Variants in FKBP7 observed in about 807,000 individuals in gnomAD.
FKBP7 encodes peptidyl-prolyl cis-trans isomerase FKBP7.
In FKBP7, 24 loss-of-function variants were observed where a neutral mutation model predicts 24.3. The ratio of observed to expected loss-of-function variants is 0.99; its 90% CI spans 0.72 to 1.39. The LOEUF is 1.39. FKBP7 is among the 40% of genes most tolerant of loss of function. FKBP7 has a pLI of 0.00. For synonymous variants in FKBP7, 98 were observed against 92.8 expected, an observed-to-expected ratio of 1.06 and a Z score of -0.32; for missense variants, 257 against 269.5, an observed-to-expected ratio of 0.95 and a Z score of 0.33.
At position 178,470,145 on chromosome 2, in the gene FKBP7, C is replaced by T. The variant is rs531980297; in HGVS notation, c.374-360G>A. 3.3e-5 allele frequency among the ~76,000 whole-genome samples: 5 copies of T among 152,172 alleles called. No individual in the cohort carries two copies. In the South Asian group the frequency reaches 1.0e-3, roughly 32 times the overall value. On this transcript the variant is annotated intron_variant, in intron 2 of 3. Coordinates refer to ENST00000424785, the MANE Select transcript of FKBP7 (RefSeq NM_181342.3). The stretch of plus-strand genomic sequence containing the variant: ...CCCTCTATATCTGTGGGTTCTGCAT[C>T]TGTGGATTCAACCAGTCTCGGCTTG...
At chr2:178,473,034 G>A in intron 2 of FKBP7, 1 of 1,280,374 alleles carries the variant, frequency 7.8e-7, no homozygotes. Flanking sequence ...CATACCGCAT[G>A]TATTGTTATT....
rs746926301 is a variant in FKBP7 at position 178,478,292 on chromosome 2, T to G, written c.208A>C (p.Lys70Gln). The G allele has an allele frequency of 9.9e-6, 16 of 1,614,108 alleles. No homozygotes were observed. Among genetic ancestry groups the G allele is most frequent in the Middle Eastern group, 1.7e-4 (1 of 6,058 alleles). Residue 70 changes from lysine to glutamine, a missense_variant, in exon 1 of 4, where the codon AAA (lysine) becomes CAA (glutamine). Coordinates refer to ENST00000424785, the MANE Select transcript of FKBP7 (RefSeq NM_181342.3). ...AGCATTTCCTACCTGCAGTAGAATT[T>G]CGAGCCGTCTTTAGCCAGGTAGCCG... Reference protein sequence around the residue: ...YDGYLAKDGSKFYCSRTQNEG... With the variant: ...YDGYLAKDGSQFYCSRTQNEG...
At chr2:178,471,628 T>C (rs1684849464) in intron 2 of FKBP7, among the ~76,000 whole-genome samples, 1 of 152,224 alleles carries the variant, frequency 6.6e-6, no homozygotes, top group South Asian at 2.1e-4. Context: ...CATCAGTATA[T>C]TGCCAGTGTC....
chr2:178,466,993 T>C (rs987377696), intron 3 of FKBP7, among the ~76,000 whole-genome samples: 2 of 152,236 alleles, frequency 1.3e-5, no homozygotes, highest in African/African-American at 4.8e-5. Context: ...TAATGAAGGA[T>C]ACATCAACTG....
At position 178,464,278 on chromosome 2, in the gene FKBP7, A is replaced by C. The variant is rs901042449; in HGVS notation, c.*1492T>G. The C allele has an allele frequency of 1.3e-5, 2 of 152,238 alleles. No individual in the cohort carries two copies. The highest frequency in any genetic ancestry group is 2.9e-5 in the Non-Finnish European group (2 of 68,054). The allele number at this position is 152,238 out of a possible 1,614,324, so 9.4% of individuals were successfully genotyped here. The stretch of plus-strand genomic sequence containing the variant: ...TTTGGAACTCAATTATTTTGAACAG[A>C]GCTATTTACTGTCTGACCATACTTT... On this transcript the variant is annotated 3_prime_UTR_variant, in exon 4 of 4. Coordinates refer to ENST00000424785, the MANE Select transcript of FKBP7 (RefSeq NM_181342.3).
At chr2:178,475,019 T>C (rs1187151006) in intron 2 of FKBP7, among the ~76,000 whole-genome samples, 1 of 152,182 alleles carries the variant, frequency 6.6e-6, no homozygotes, top group Non-Finnish European at 1.5e-5. Context: ...TTAATAAGTA[T>C]AGCTCTACTT....
chr2:178,472,078 G>GTTT (rs1005052995), intron 2 of FKBP7, among the ~76,000 whole-genome samples: 7 of 135,434 alleles, frequency 5.2e-5, no homozygotes, highest in African/African-American at 1.4e-4. Flanking sequence ...TTTTCTTTTC[G>GTTT]TTTTTTTTTT....
rs1042716736 is a variant in FKBP7 at position 178,464,227 on chromosome 2, T to A, written c.*1543A>T. On this transcript the variant is annotated 3_prime_UTR_variant, in exon 4 of 4. Transcript: ENST00000424785. ...AACAATGGTTTGGAAAGAGCAAGTT[T>A]CAGAAGGTAGAAAAAACTTTACTTG... The A allele has an allele frequency of 6.6e-6, 1 of 152,262 alleles. No individual in the cohort carries two copies. Among genetic ancestry groups the A allele is most frequent in the Non-Finnish European group, 1.5e-5 (1 of 68,044 alleles). The allele number at this position is 152,262 out of a possible 1,614,324, so 9.4% of individuals were successfully genotyped here.
chr2:178,466,578 A>G (rs1684665129), intron 3 of FKBP7, among the ~76,000 whole-genome samples: 1 of 152,150 alleles, frequency 6.6e-6, no homozygotes, highest in Non-Finnish European at 1.5e-5. Context: ...TCAAAATGAG[A>G]TATGTTACTA....
chr2:178,471,685 G>T (rs1016368181), intron 2 of FKBP7, among the ~76,000 whole-genome samples: 4 of 152,196 alleles, frequency 2.6e-5, no homozygotes, highest in Admixed American at 2.6e-4. Context: ...TTTGCCGAAT[G>T]AATGACCCAT....
Position 178,465,775 on chromosome 2 carries a change from G to A in FKBP7, c.664C>T (p.Leu222=). 6.3e-7 allele frequency: 1 copy of A among 1,576,376 alleles called. No homozygotes were observed. Among genetic ancestry groups the A allele is most frequent in the Non-Finnish European group, 8.6e-7 (1 of 1,165,872 alleles). ...AAAGTAGAAATACAAATATGCTATA[G>A]TTCATCGTGTTGGTATACATTGTAT... is the stretch of plus-strand genomic sequence containing the variant. The part of the protein sequence containing the change: ...KEYNVYQHDE[L] Residue 222 remains leucine, a synonymous_variant, in exon 4 of 4, where the codon CTA becomes TTA. Coordinates refer to ENST00000424785, the MANE Select transcript of FKBP7 (RefSeq NM_181342.3).
intron 2 of FKBP7, among the ~76,000 whole-genome samples, chr2:178,471,065 A>G (rs778216129): frequency 6.6e-6 from 1 of 151,756 alleles, no homozygotes; most frequent in Non-Finnish European, 1.5e-5. Flanking sequence ...GGGTTTCACT[A>G]TGTTGGCCAG....
intron 1 of FKBP7, 69 bp from the exon 2 acceptor site, chr2:178,477,282 T>G: frequency 6.6e-7 from 1 of 1,516,546 alleles, no homozygotes; most frequent in Non-Finnish European, 9.0e-7. Flanking sequence ...AGCTGGGCAT[T>G]TAAAATTGGA....
intron 2 of FKBP7, chr2:178,473,248 C>A: frequency 2.3e-6 from 1 of 433,424 alleles, no homozygotes; most frequent in Non-Finnish European, 4.5e-6. Context: ...GTCTACACTG[C>A]AACTTTTAAA....
Position 178,469,579 on chromosome 2 carries a change from A to G in FKBP7, c.507+73T>C, listed in dbSNP as rs948068052. ...CCATGCTAGCTAGACCTAAAAAGTA[A>G]TAGTTGTAACACAGATGTATTTAAA... On this transcript the variant is annotated intron_variant, in intron 3 of 3. Coordinates refer to ENST00000424785, the MANE Select transcript of FKBP7 (RefSeq NM_181342.3). 7 of 1,502,044 alleles carry G rather than the reference A, an allele frequency of 4.7e-6. No individual in the cohort carries two copies. In the African/African-American group the frequency reaches 5.6e-5, roughly 12 times the overall value. The allele number at this position is 1,502,044 out of a possible 1,614,324, so 93.0% of individuals were successfully genotyped here.
chr2:178,478,133 A>C (rs1172529343), intron 1 of FKBP7, 146 bp downstream of exon 1: 1 of 746,068 alleles, frequency 1.3e-6, no homozygotes, highest in Non-Finnish European at 2.2e-6. Context: ...CTGCCATATA[A>C]TGTGATTTTT....
chr2:178,465,752 A>G lies in FKBP7; in HGVS notation c.*18T>C, dbSNP rs765252154. ...GTACAGTAAATAGCTAAAAAAAAAA[A>G]GTAGAAATACAAATATGCTATAGTT... On this transcript the variant is annotated 3_prime_UTR_variant, in exon 4 of 4. Transcript: ENST00000424785. The G allele has an allele frequency of 1.4e-5, 22 of 1,528,478 alleles. No homozygotes were observed. In the South Asian group the frequency reaches 2.4e-4, roughly 17 times the overall value. The allele number at this position is 1,528,478 out of a possible 1,614,324, so 94.7% of individuals were successfully genotyped here.
Position 178,465,455 on chromosome 2 carries a change from CA to C in FKBP7, c.*314del, listed in dbSNP as rs775705627. On this transcript the variant is annotated 3_prime_UTR_variant, in exon 4 of 4. Coordinates refer to ENST00000424785, the MANE Select transcript of FKBP7 (RefSeq NM_181342.3). ...TAAGGTTAAAGTTGGGAAAAGCTTGCAGTTTTTGACATACTATACATGTCCT... is the reference window on the plus strand; with the variant it reads ...TAAGGTTAAAGTTGGGAAAAGCTTGCGTTTTTGACATACTATACATGTCCT... 2.4e-4 allele frequency: 45 copies of C among 185,150 alleles called. No individual in the cohort carries two copies. Among genetic ancestry groups the C allele is most frequent in the Non-Finnish European group, 3.5e-4 (32 of 90,574 alleles). The allele number at this position is 185,150 out of a possible 1,614,324, so 11.5% of individuals were successfully genotyped here. A position where few individuals can be genotyped will look rare whatever the true frequency, so the allele number is the denominator to read the frequency against.
chr2:178,474,383 A>T (rs1684942950), intron 2 of FKBP7, among the ~76,000 whole-genome samples: 1 of 152,226 alleles, frequency 6.6e-6, no homozygotes, highest in South Asian at 2.1e-4. Context: ...TAAAATTTTA[A>T]TTTTGGAAAA....
Sources: gnomAD v4.1 joint callset for allele counts (sites outside exome capture counted in the v4.1 genomes callset) on GRCh38, gnomAD v4.1.1 for gene constraint, MANE v1.5 for transcripts, NCBI Gene and HGNC (gene_info 2026-07-23, HGNC 2026-07-21) for gene names.